The following PRKCB variants were observed in gnomAD, a reference collection of about 807,000 sequenced individuals.
PRKCB encodes the protein protein kinase C beta, also known as protein kinase C beta type.
Under a neutral mutation model 81.5 loss-of-function variants are expected in PRKCB, and 13 were observed. That is an observed-to-expected ratio of 0.16 (90% CI 0.10 to 0.25). The LOEUF is 0.25. PRKCB is among the 10% of genes least tolerant of loss of function. PRKCB has a pLI of 1.00. For missense variants in PRKCB, 509 were observed against 875.7 expected, an observed-to-expected ratio of 0.58 and a Z score of 5.29; for synonymous variants, 335 against 321.4, an observed-to-expected ratio of 1.04 and a Z score of -0.45.
rs1181678661 is a variant in PRKCB at position 23,875,758 on chromosome 16, GTATGTATAT to G, written c.205+38353_205+38361del. On this transcript the variant is annotated intron_variant, in intron 2 of 16. Coordinates refer to ENST00000643927, the MANE Select transcript of PRKCB (RefSeq NM_002738.7). Reference sequence around the variant, plus strand: ...ATATGTATGTATATCACACATATATGTATGTATATCACACATATATGTGTGTATATCACA... The same window carrying G: ...ATATGTATGTATATCACACATATATGCACACATATATGTGTGTATATCACA... Among the ~76,000 whole-genome samples, 6 of 122,234 alleles carry G rather than the reference GTATGTATAT, an allele frequency of 4.9e-5. 1 individual carries two copies. The highest frequency in any genetic ancestry group is 8.9e-5 in the African/African-American group (3 of 33,794). The allele number at this position is 122,234 out of a possible 152,430, so 80.2% of individuals were successfully genotyped here.
intron 2 of PRKCB, among the ~76,000 whole-genome samples, chr16:23,887,144 A>G (rs1289229103): frequency 6.6e-6 from 1 of 151,846 alleles, no homozygotes; most frequent in Non-Finnish European, 1.5e-5. Context: ...CTGAAAGCAA[A>G]TATTGTAGAC....
intron 2 of PRKCB, among the ~76,000 whole-genome samples, chr16:23,946,689 CT>C (rs1372716644): frequency 6.6e-6 from 1 of 151,978 alleles, no homozygotes; most frequent in Non-Finnish European, 1.5e-5. Context: ...GCTTTTCAAA[CT>C]TTAGCGTGCA....
At position 24,218,636 on chromosome 16, in the gene PRKCB, G is replaced by A. The variant is rs757273576; in HGVS notation, c.*3820G>A. ...TGTAAAAGGTCTTTTGCAAAGGAGA[G>A]TGAACCCAGCAATGAGAGATCCTTA... On this transcript the variant is annotated 3_prime_UTR_variant, in exon 17 of 17. Coordinates refer to ENST00000643927, the MANE Select transcript of PRKCB (RefSeq NM_002738.7). 6 of 976,956 alleles carry A rather than the reference G, an allele frequency of 6.1e-6. No homozygotes were observed. The highest frequency in any genetic ancestry group is 6.0e-6 in the Non-Finnish European group (5 of 827,870). The allele number at this position is 976,956 out of a possible 1,614,324, so 60.5% of individuals were successfully genotyped here.
At chr16:23,937,879 G>A (rs1056182132) in intron 2 of PRKCB, among the ~76,000 whole-genome samples, 2 of 152,138 alleles carry the variant, frequency 1.3e-5, no homozygotes, top group East Asian at 3.9e-4. Context: ...AACTGCTGGT[G>A]GTGAATTGAA....
chr16:24,016,881 T>G lies in PRKCB; in HGVS notation c.289-15255T>G, dbSNP rs8049335. Among the ~76,000 whole-genome samples the G allele has an allele frequency of 6.8e-3, 1,039 of 152,326 alleles. 12 individuals carry two copies. The highest frequency in any genetic ancestry group is 0.023 in the African/African-American group (964 of 41,562). On this transcript the variant is annotated intron_variant, in intron 3 of 16. Coordinates refer to ENST00000643927, the MANE Select transcript of PRKCB (RefSeq NM_002738.7). ...TGGCCCAGTTCTTCCTTCATAAATT[T>G]CATATCACTGACCCAACCTTGGTCT...
At chr16:23,936,140 C>T (rs1403428578) in intron 2 of PRKCB, among the ~76,000 whole-genome samples, 1 of 152,084 alleles carries the variant, frequency 6.6e-6, no homozygotes, top group Non-Finnish European at 1.5e-5. Flanking sequence ...TTTTCCTTCA[C>T]CCCCTTTGTT....
rs560298255 is a variant in PRKCB at position 23,984,039 on chromosome 16, T to A, written c.206-4469T>A. Among the ~76,000 whole-genome samples the A allele has an allele frequency of 4.6e-5, 7 of 152,224 alleles. No individual in the cohort carries two copies. In the South Asian group the frequency reaches 1.2e-3, roughly 27 times the overall value. Reference sequence around the variant, plus strand: ...CATACTAATAGACCACTTAGAAACTTGATACAATGATGGGACTAAATATAA... The same window carrying A: ...CATACTAATAGACCACTTAGAAACTAGATACAATGATGGGACTAAATATAA... On this transcript the variant is annotated intron_variant, in intron 2 of 16. Transcript: ENST00000643927.
chr16:23,859,561 A>G (rs1459330620), intron 2 of PRKCB, among the ~76,000 whole-genome samples: 3 of 152,180 alleles, frequency 2.0e-5, no homozygotes, highest in African/African-American at 7.2e-5. Context: ...GAGAAATGCC[A>G]GGAGCAGCTC....
chr16:24,051,421 A>T (rs9925572), intron 5 of PRKCB, among the ~76,000 whole-genome samples: 1,628 of 152,282 alleles, frequency 0.011, 26 homozygotes, highest in African/African-American at 0.037. Flanking sequence ...TAAGAGCCCC[A>T]TGAAGGAGTT....
chr16:24,032,941 T>C (rs981948314), intron 4 of PRKCB, among the ~76,000 whole-genome samples: 1 of 152,220 alleles, frequency 6.6e-6, no homozygotes, highest in Admixed American at 6.5e-5. Context: ...ATGCATTCTT[T>C]GCATGGAGAA....
At position 23,947,076 on chromosome 16, in the gene PRKCB, G is replaced by A. The variant is rs112509713; in HGVS notation, c.206-41432G>A. On this transcript the variant is annotated intron_variant, in intron 2 of 16. Transcript: ENST00000643927. ...TTACCATGTTGGCCAGGCTGGTCTC[G>A]AACTTCTGATCTCAAACGATCCACC... 1.1e-3 allele frequency among the ~76,000 whole-genome samples: 175 copies of A among 152,236 alleles called. 1 individual carries two copies. The highest frequency in any genetic ancestry group is 3.9e-3 in the African/African-American group (161 of 41,542).
intron 2 of PRKCB, among the ~76,000 whole-genome samples, chr16:23,923,659 A>G (rs559811868): frequency 5.9e-5 from 9 of 152,076 alleles, no homozygotes; most frequent in East Asian, 1.9e-4. Context: ...TGACTGTCCA[A>G]TCTTCAGTTA....
chr16:23,919,664 C>T (rs534352533), intron 2 of PRKCB, among the ~76,000 whole-genome samples: 1 of 152,302 alleles, frequency 6.6e-6, no homozygotes, highest in South Asian at 2.1e-4. Flanking sequence ...AACAATTCTC[C>T]ATTCCCTCTT....
chr16:24,137,480 C>T (rs1475184313), intron 9 of PRKCB, among the ~76,000 whole-genome samples: 4 of 152,182 alleles, frequency 2.6e-5, no homozygotes, highest in African/African-American at 9.7e-5. Flanking sequence ...TGAGTCACGT[C>T]GCTGGGCCCT....
chr16:23,953,360 G>A (rs1964308699), intron 2 of PRKCB, among the ~76,000 whole-genome samples: 5 of 152,162 alleles, frequency 3.3e-5, no homozygotes, highest in Admixed American at 3.3e-4. Context: ...TGGCTACTGT[G>A]TGGGGCTTCC....
At chr16:24,051,375 T>G (rs1965840188) in intron 5 of PRKCB, among the ~76,000 whole-genome samples, 1 of 152,146 alleles carries the variant, frequency 6.6e-6, no homozygotes, top group Non-Finnish European at 1.5e-5. Flanking sequence ...CCTGGTGCTT[T>G]TACCTGGGGT....
At chr16:23,880,337 A>C (rs563798528) in intron 2 of PRKCB, among the ~76,000 whole-genome samples, 28 of 152,320 alleles carry the variant, frequency 1.8e-4, no homozygotes, top group South Asian at 6.2e-4. Context: ...CAAGGCCCAC[A>C]CTAGCACCTG....
At chr16:23,841,125 C>G (rs996931634) in intron 2 of PRKCB, among the ~76,000 whole-genome samples, 1 of 152,116 alleles carries the variant, frequency 6.6e-6, no homozygotes, top group Admixed American at 6.6e-5. Flanking sequence ...GTTGCCCAGG[C>G]TGCAGTGCAG....
intron 5 of PRKCB, among the ~76,000 whole-genome samples, chr16:24,081,126 C>T (rs1055185556): frequency 6.6e-6 from 1 of 151,890 alleles, no homozygotes; most frequent in African/African-American, 2.4e-5. Context: ...TTTTTAGTGT[C>T]ATGTGTAAGA....
Sources: allele counts gnomAD v4.1 joint callset (sites outside exome capture counted in the v4.1 genomes callset), GRCh38; gene constraint gnomAD v4.1.1; transcripts MANE v1.5; gene names NCBI Gene and HGNC (gene_info 2026-07-23, HGNC 2026-07-21).